SHLD2: variants seen among roughly 807,000 people sequenced by gnomAD.
SHLD2 encodes the protein shieldin complex subunit 2.
Under a neutral mutation model 73.2 loss-of-function variants are expected in SHLD2, and 30 were observed. The observed-to-expected ratio is 0.41, with a 90% confidence interval of 0.31 to 0.56. The LOEUF (loss-of-function observed/expected upper bound fraction) is 0.56, where lower values mean the gene tolerates loss of function less well. Ranked by LOEUF, SHLD2 falls within the 20% of genes least tolerant of loss-of-function variation. SHLD2 has a pLI of 0.28. For missense variants in SHLD2, 745 were observed against 1,055.9 expected (o/e 0.71, Z 4.08); for synonymous variants, 285 against 370.1 (o/e 0.77, Z 2.64).
intron 2 of SHLD2, among the ~76,000 whole-genome samples, chr10:87,141,488 C>T (rs1415943624): frequency 7.9e-5 from 12 of 151,886 alleles, no homozygotes; most frequent in African/African-American, 2.9e-4. Context: ...ATTACAGGCG[C>T]GTGCCACCAC....
intron 2 of SHLD2, among the ~76,000 whole-genome samples, chr10:87,108,206 C>T (rs1235933312): frequency 6.6e-6 from 1 of 152,126 alleles, no homozygotes; most frequent in Non-Finnish European, 1.5e-5. Context: ...TGCGTCACCA[C>T]ACCAGGCCAA....
chr10:87,132,179 T>A (rs191659422), intron 2 of SHLD2, among the ~76,000 whole-genome samples: 4,495 of 152,242 alleles, frequency 0.03, 240 homozygotes, highest in African/African-American at 0.1. Flanking sequence ...ACTTTTTTAT[T>A]TTTGATCCTT....
chr10:87,188,601 A>ATAAG (rs1465537429), intron 9 of SHLD2, among the ~76,000 whole-genome samples: 83 of 152,322 alleles, frequency 5.4e-4, no homozygotes, highest in African/African-American at 1.8e-3. Flanking sequence ...TGTTGCTGAC[A>ATAAG]CTGGCAGTTC....
chr10:87,182,401 A>G (rs1297546822), intron 8 of SHLD2, among the ~76,000 whole-genome samples: 1 of 152,236 alleles, frequency 6.6e-6, no homozygotes, highest in Non-Finnish European at 1.5e-5. Context: ...GTCCCAGACT[A>G]TGAGTGGGTT....
At chr10:87,103,908 A>C (rs1842424991) in intron 2 of SHLD2, among the ~76,000 whole-genome samples, 1 of 152,154 alleles carries the variant, frequency 6.6e-6, no homozygotes, top group Admixed American at 6.6e-5. Flanking sequence ...CTTTTAAGCT[A>C]TCATGCAAGA....
intron 4 of SHLD2, among the ~76,000 whole-genome samples, chr10:87,162,300 A>G (rs1482997424): frequency 4.6e-5 from 7 of 152,246 alleles, no homozygotes; most frequent in African/African-American, 9.6e-5. Context: ...TAACCAAAAC[A>G]CTATAAACAA....
At chr10:87,188,897 CCT>C (rs1420036142) in intron 9 of SHLD2, among the ~76,000 whole-genome samples, 1 of 151,982 alleles carries the variant, frequency 6.6e-6, no homozygotes, top group East Asian at 1.9e-4. Flanking sequence ...TAATTAGAAG[CCT>C]CTCTCCGTTT....
intron 2 of SHLD2, among the ~76,000 whole-genome samples, chr10:87,103,705 A>G (rs1371633055): frequency 1.3e-5 from 2 of 152,216 alleles, no homozygotes; most frequent in Non-Finnish European, 2.9e-5. Flanking sequence ...AGGACCTGTA[A>G]TCTTCAGGGT....
intron 6 of SHLD2, among the ~76,000 whole-genome samples, chr10:87,173,322 G>A (rs1045683309): frequency 2.0e-5 from 3 of 152,064 alleles, no homozygotes; most frequent in Non-Finnish European, 4.4e-5. Context: ...GCCAGCCACC[G>A]CACCCGGCCA....
rs575276829 is a variant in SHLD2 at position 87,190,465 on chromosome 10, G to C, written c.2516-19G>C. 1.2e-6 allele frequency: 2 copies of C among 1,608,332 alleles called. No homozygotes were observed. ...AGCTAGCAGCGATCTTGGGAGCTCTGTGTTTTTGTCTTTTGCAGTTCCTTC... is the reference window on the plus strand; with the variant it reads ...AGCTAGCAGCGATCTTGGGAGCTCTCTGTTTTTGTCTTTTGCAGTTCCTTC... On this transcript the variant is annotated intron_variant, in intron 9 of 9. Coordinates refer to ENST00000298786, the MANE Select transcript of SHLD2 (RefSeq NM_001330112.2).
At chr10:87,108,020 A>C (rs1842707954) in intron 2 of SHLD2, among the ~76,000 whole-genome samples, 1 of 152,040 alleles carries the variant, frequency 6.6e-6, no homozygotes, top group African/African-American at 2.4e-5. Context: ...AGTAGCTGGA[A>C]TTGCAGGTAC....
chr10:87,184,697 CCTT>C (rs1273797758), intron 8 of SHLD2, among the ~76,000 whole-genome samples: 2 of 152,076 alleles, frequency 1.3e-5, no homozygotes, highest in Non-Finnish European at 2.9e-5. Context: ...AGCCACGTGG[CCTT>C]CTTTCAGTTC....
chr10:87,159,521 T>G (rs1430719159), intron 4 of SHLD2, among the ~76,000 whole-genome samples: 1 of 152,110 alleles, frequency 6.6e-6, no homozygotes, highest in East Asian at 1.9e-4. Context: ...TGATAATGAG[T>G]GCTATGAAGG....
chr10:87,130,628 T>C (rs897018828), intron 2 of SHLD2, among the ~76,000 whole-genome samples: 4 of 152,134 alleles, frequency 2.6e-5, no homozygotes, highest in African/African-American at 9.7e-5. Flanking sequence ...CTACAGGCGC[T>C]ATCTGTTACC....
chr10:87,172,590 C>T (rs1847661287), intron 6 of SHLD2, among the ~76,000 whole-genome samples: 1 of 151,938 alleles, frequency 6.6e-6, no homozygotes, highest in South Asian at 2.1e-4. Context: ...CTCCTGTTAA[C>T]CCAGTACCTT....
At chr10:87,097,295 T>A (rs1344510013) in intron 2 of SHLD2, among the ~76,000 whole-genome samples, 1 of 152,246 alleles carries the variant, frequency 6.6e-6, no homozygotes, top group Non-Finnish European at 1.5e-5. Flanking sequence ...AGGAGGTGGC[T>A]CACGCCTGTA....
At chr10:87,123,171 T>C (rs1564585151) in intron 2 of SHLD2, among the ~76,000 whole-genome samples, 1 of 152,246 alleles carries the variant, frequency 6.6e-6, no homozygotes, top group Non-Finnish European at 1.5e-5. Context: ...CCTCCCAAAA[T>C]GCTGAGATTA....
At position 87,170,561 on chromosome 10, in the gene SHLD2, C is replaced by A; in HGVS notation, c.1717C>A (p.Pro573Thr). The A allele has an allele frequency of 6.2e-7, 1 of 1,613,642 alleles. No homozygotes were observed. The highest frequency in any genetic ancestry group is 1.1e-5 in the South Asian group (1 of 90,988). The change falls in exon 5 of 10, where the codon CCG becomes ACG. Residue 573 changes from proline to threonine, a missense_variant. By Grantham distance (38) the Pro-to-Thr change is conservative. Transcript: ENST00000298786. Reference sequence around the variant, plus strand: ...ACATTCCTACCTCAGAGATCTTCCTCCGAGGCAGCCTCAGAGGGTGAACAG... The same window carrying A: ...ACATTCCTACCTCAGAGATCTTCCTACGAGGCAGCCTCAGAGGGTGAACAG... ...SKHSYLRDLP[P>T]RQPQRVNSID...
intron 2 of SHLD2, among the ~76,000 whole-genome samples, chr10:87,100,841 T>C (rs905074554): frequency 2.0e-5 from 3 of 152,210 alleles, no homozygotes; most frequent in Non-Finnish European, 2.9e-5. Flanking sequence ...ATTTTTTTTT[T>C]CCAAGATTGG....
Sources: gnomAD v4.1 joint callset for allele counts (sites outside exome capture counted in the v4.1 genomes callset) on GRCh38, gnomAD v4.1.1 for gene constraint, MANE v1.5 for transcripts, NCBI Gene and HGNC (gene_info 2026-07-23, HGNC 2026-07-21) for gene names.